Variants in APBB2 observed in about 807,000 individuals in gnomAD.
The protein encoded by APBB2 is amyloid beta precursor protein binding family B member 2.
In APBB2, 38 loss-of-function variants were observed where a neutral mutation model predicts 82.5. The ratio of observed to expected loss-of-function variants is 0.46; its 90% CI spans 0.36 to 0.60. The LOEUF (loss-of-function observed/expected upper bound fraction) is 0.60. Ranked by LOEUF, APBB2 falls within the 20% of genes least tolerant of loss-of-function variation. The pLI, the probability that APBB2 is intolerant of heterozygous loss-of-function variation, is 0.00. For synonymous variants in APBB2, 341 were observed against 368.2 expected, an observed-to-expected ratio of 0.93 and a Z score of 0.85; for missense variants, 772 against 972.3, an observed-to-expected ratio of 0.79 and a Z score of 2.74.
rs377258984 is a variant in APBB2, at chr4:40,890,375, G to T, written c.1518C>A (p.Arg506=). The part of the protein sequence containing the change: ...IVSIRVWGVG[R]DNGRDFAYVA... ...ACCCAGGGACTCACCGGCCATTGTC[G>T]CGGCCCACGCCCCACACGCGGATGC... Residue 506 remains arginine (R), a synonymous_variant, in exon 12 of 18, where the codon CGC becomes CGA. Coordinates refer to ENST00000508593, the MANE Select transcript of APBB2 (RefSeq NM_004307.2). 10 of 1,612,494 alleles carry T rather than the reference G, an allele frequency of 6.2e-6. No homozygotes were observed. Among genetic ancestry groups the T allele is most frequent in the East Asian group, 2.2e-5 (1 of 44,858 alleles).
chr4:41,153,542 G>C (rs1762776323), intron 1 of APBB2, among the ~76,000 whole-genome samples: 1 of 152,142 alleles, frequency 6.6e-6, no homozygotes, highest in Non-Finnish European at 1.5e-5. Context: ...AAATCTTACT[G>C]ATCAAAAGTA....
chr4:40,887,817 T>C (rs1770762351), intron 12 of APBB2, among the ~76,000 whole-genome samples: 2 of 152,138 alleles, frequency 1.3e-5, no homozygotes, highest in Admixed American at 6.5e-5. Context: ...TATTTCGAAA[T>C]TACACTCATC....
At chr4:40,987,401 T>C (rs4861076) in intron 6 of APBB2, among the ~76,000 whole-genome samples, 15,724 of 152,292 alleles carry the variant, frequency 0.1, 881 homozygotes, top group Admixed American at 0.16. Flanking sequence ...GCGGGAAGGT[T>C]TGACGGTTTG....
chr4:41,148,580 G>A (rs146549254), intron 1 of APBB2, among the ~76,000 whole-genome samples: 2 of 152,306 alleles, frequency 1.3e-5, no homozygotes, highest in East Asian at 1.9e-4. Context: ...CTTTCTGCAC[G>A]GACTGACTCT....
chr4:40,946,247 A>C (rs1290008895), intron 6 of APBB2, among the ~76,000 whole-genome samples: 2 of 150,648 alleles, frequency 1.3e-5, no homozygotes, highest in Non-Finnish European at 1.5e-5. Context: ...AAAAAAAAAA[A>C]AAAAAAACAT....
intron 12 of APBB2, among the ~76,000 whole-genome samples, chr4:40,831,995 T>C (rs1752089058): frequency 7.2e-6 from 1 of 138,400 alleles, no homozygotes; most frequent in Non-Finnish European, 1.5e-5. Flanking sequence ...CACACACATA[T>C]TTATATATTT....
chr4:41,000,061 ATGTGTG>A lies in APBB2; in HGVS notation c.835+13516_835+13521del, dbSNP rs1218564307. On this transcript the variant is annotated intron_variant, in intron 6 of 17. Transcript: ENST00000508593. ...TGTGTGTGTATGTATATGTATATAT[ATGTGTG>A]TATGTGTGTGTGTGTGTGTGTGTGT... 1.2e-4 allele frequency among the ~76,000 whole-genome samples: 14 copies of A among 113,226 alleles called. No homozygotes were observed. The East Asian group carries it at 1.9e-3, about 16-fold the overall frequency. 74.3% of individuals were successfully genotyped at this position (113,226 alleles called of 152,430 possible). A position where few individuals can be genotyped will look rare whatever the true frequency, so the allele number is the denominator to read the frequency against.
intron 10 of APBB2, among the ~76,000 whole-genome samples, chr4:40,933,699 G>A (rs1277487470): frequency 1.3e-5 from 2 of 152,226 alleles, no homozygotes; most frequent in African/African-American, 4.8e-5. Context: ...AGATGCCGGG[G>A]GGCCAGAAGG....
chr4:41,059,991 T>A (rs1472868), intron 4 of APBB2, among the ~76,000 whole-genome samples: 96,330 of 149,044 alleles, frequency 0.65, 32,379 homozygotes, highest in Non-Finnish European at 0.75. Flanking sequence ...CAAAAAAAAA[T>A]AAAATAATAA....
chr4:41,065,928 C>A (rs1731623471), intron 3 of APBB2, among the ~76,000 whole-genome samples: 1 of 152,074 alleles, frequency 6.6e-6, no homozygotes. Context: ...AAGGCTTGAC[C>A]AGGGCTGGCC....
chr4:41,036,908 A>G (rs143689784), intron 4 of APBB2, among the ~76,000 whole-genome samples: 10 of 152,342 alleles, frequency 6.6e-5, no homozygotes, highest in Non-Finnish European at 1.2e-4. Flanking sequence ...TACATAAACA[A>G]TAACCTGAGA....
chr4:40,947,669 A>G (rs1788823080), intron 6 of APBB2, among the ~76,000 whole-genome samples: 1 of 152,384 alleles, frequency 6.6e-6, no homozygotes, highest in Non-Finnish European at 1.5e-5. Context: ...TGCTGGTGAC[A>G]GATGCAAAGT....
At chr4:40,907,373 ATATATATTTTTTTTTTT>A (rs1265318015) in intron 10 of APBB2, among the ~76,000 whole-genome samples, 32 of 37,420 alleles carry the variant, frequency 8.6e-4, no homozygotes, top group South Asian at 1.2e-3. Context: ...ATATATATAT[ATATATATTTTTTTTTTT>A]TTTTTTTTTT....
intron 2 of APBB2, among the ~76,000 whole-genome samples, chr4:41,117,864 T>C (rs1288852586): frequency 6.6e-6 from 1 of 152,050 alleles, no homozygotes; most frequent in Admixed American, 6.6e-5. Context: ...TTCTACATGA[T>C]GGGATAAAGT....
At chr4:40,850,111 A>C (rs1453032558) in intron 12 of APBB2, among the ~76,000 whole-genome samples, 1 of 152,172 alleles carries the variant, frequency 6.6e-6, no homozygotes, top group Non-Finnish European at 1.5e-5. Flanking sequence ...ATCTTTAAAA[A>C]ACGAAAACCA....
chr4:41,152,035 T>A (rs186492123), intron 1 of APBB2, among the ~76,000 whole-genome samples: 2 of 152,234 alleles, frequency 1.3e-5, no homozygotes, highest in East Asian at 3.9e-4. Context: ...TCGTTTTTCT[T>A]CTCCCTTATG....
chr4:40,991,123 CAGATGT>C (rs950240363), intron 6 of APBB2, among the ~76,000 whole-genome samples: 85 of 146,854 alleles, frequency 5.8e-4, no homozygotes, highest in African/African-American at 2.1e-3. Flanking sequence ...GCTGGAACTA[CAGATGT>C]GTGCCACTAC....
At chr4:40,865,716 CTAT>C (rs762356125) in intron 12 of APBB2, among the ~76,000 whole-genome samples, 1 of 152,138 alleles carries the variant, frequency 6.6e-6, no homozygotes, top group Non-Finnish European at 1.5e-5. Context: ...GTTTTGGCAA[CTAT>C]GAATAAAGTC....
intron 5 of APBB2, among the ~76,000 whole-genome samples, chr4:41,028,953 G>C (rs1431968814): frequency 6.6e-6 from 1 of 152,168 alleles, no homozygotes; most frequent in Non-Finnish European, 1.5e-5. Flanking sequence ...TTTTGTCAAA[G>C]AAAGAGTTTG....
Sources: gnomAD v4.1 joint callset for allele counts (sites outside exome capture counted in the v4.1 genomes callset) on GRCh38, gnomAD v4.1.1 for gene constraint, MANE v1.5 for transcripts, NCBI Gene and HGNC (gene_info 2026-07-23, HGNC 2026-07-21) for gene names.